The following NPAS3 variants were observed in gnomAD, a reference collection of about 807,000 sequenced individuals.
NPAS3 encodes the protein neuronal PAS domain protein 3, also known as neuronal PAS domain-containing protein 3.
In NPAS3, 14 loss-of-function variants were observed where a neutral mutation model predicts 73.1. The observed-to-expected ratio is 0.19, with a 90% CI of 0.13 to 0.30. NPAS3 has a LOEUF of 0.30. NPAS3 is among the 10% of genes least tolerant of loss of function. The pLI, the probability that NPAS3 is intolerant of heterozygous loss-of-function variation, is 1.00. For synonymous variants in NPAS3, 620 were observed against 541.5 expected, an observed-to-expected ratio of 1.14 and a Z score of -2.01; for missense variants, 1,096 against 1,250.0, an observed-to-expected ratio of 0.88 and a Z score of 1.86.
intron 1 of NPAS3, among the ~76,000 whole-genome samples, chr14:32,997,760 T>TA (rs36083770): frequency 0.22 from 24,425 of 112,626 alleles, 2,900 homozygotes; most frequent in African/African-American, 0.38. Flanking sequence ...CCGTCTCTAC[T>TA]AAAAAAAAAA....
At chr14:33,436,267 AG>A (rs1452286439) in intron 4 of NPAS3, among the ~76,000 whole-genome samples, 1 of 152,200 alleles carries the variant, frequency 6.6e-6, no homozygotes, top group East Asian at 1.9e-4. Flanking sequence ...GTTATCTCTA[AG>A]TAAGACAAAT....
At chr14:33,529,240 C>T (rs540495472) in intron 4 of NPAS3, among the ~76,000 whole-genome samples, 2 of 152,206 alleles carry the variant, frequency 1.3e-5, no homozygotes, top group East Asian at 3.9e-4. Context: ...GCTTAGTTTA[C>T]TCAAGGCACT....
At chr14:33,307,150 C>G (rs1378168228) in intron 3 of NPAS3, among the ~76,000 whole-genome samples, 4 of 152,096 alleles carry the variant, frequency 2.6e-5, no homozygotes, top group Admixed American at 2.0e-4. Context: ...CTTGCAGATG[C>G]TACTGAGGTT....
chr14:33,645,482 T>C (rs1324908289), intron 5 of NPAS3, among the ~76,000 whole-genome samples: 1 of 152,224 alleles, frequency 6.6e-6, no homozygotes, highest in East Asian at 1.9e-4. Context: ...AGAGTTACTG[T>C]CTCTGGTTTG....
chr14:33,457,155 G>A (rs1414982679), intron 4 of NPAS3, among the ~76,000 whole-genome samples: 5 of 152,320 alleles, frequency 3.3e-5, no homozygotes, highest in East Asian at 1.9e-4. Context: ...ACACCACAAT[G>A]CCCAGTTGTG....
chr14:33,775,337 C>G (rs1469074723), intron 8 of NPAS3, among the ~76,000 whole-genome samples: 2 of 152,096 alleles, frequency 1.3e-5, no homozygotes, highest in East Asian at 3.9e-4. Context: ...TCCCCGGGTG[C>G]CACAGGGAGA....
intron 4 of NPAS3, among the ~76,000 whole-genome samples, chr14:33,385,487 G>A (rs1289286445): frequency 6.6e-6 from 1 of 152,142 alleles, no homozygotes; most frequent in Non-Finnish European, 1.5e-5. Flanking sequence ...TAGAGAAACA[G>A]CACCAGTAGT....
intron 2 of NPAS3, among the ~76,000 whole-genome samples, chr14:33,132,296 G>A (rs146171045): frequency 4.6e-5 from 7 of 152,244 alleles, no homozygotes; most frequent in Non-Finnish European, 7.4e-5. Context: ...TTCTAGCTTG[G>A]GCTTCTGAGT....
chr14:32,973,692 C>T (rs1035624071), intron 1 of NPAS3, among the ~76,000 whole-genome samples: 23 of 151,868 alleles, frequency 1.5e-4, no homozygotes, highest in African/African-American at 4.4e-4. Flanking sequence ...CATGCTACCA[C>T]GCCCGGATAA....
At chr14:33,341,227 C>A (rs1218806325) in intron 3 of NPAS3, among the ~76,000 whole-genome samples, 1 of 152,168 alleles carries the variant, frequency 6.6e-6, no homozygotes, top group Non-Finnish European at 1.5e-5. Context: ...AGGGAAGCCA[C>A]ACGCCATCTC....
chr14:32,938,836 C>G (rs942027676), upstream of NPAS3, among the ~76,000 whole-genome samples: 16 of 146,286 alleles, frequency 1.1e-4, no homozygotes, highest in Non-Finnish European at 2.4e-4. Context: ...CGCCTCCCCC[C>G]GCCGCCGCCG....
chr14:33,125,148 G>T (rs2043379223), intron 2 of NPAS3, among the ~76,000 whole-genome samples: 1 of 151,998 alleles, frequency 6.6e-6, no homozygotes, highest in South Asian at 2.1e-4. Context: ...CCAGACTTTT[G>T]CTTGGCATGT....
At chr14:33,386,511 T>A (rs1184075250) in intron 4 of NPAS3, among the ~76,000 whole-genome samples, 1 of 62,642 alleles carries the variant, frequency 1.6e-5, no homozygotes, top group African/African-American at 9.3e-5. Context: ...TCAGTTTCAA[T>A]CTTTTTTTTT....
intron 3 of NPAS3, among the ~76,000 whole-genome samples, chr14:33,255,030 T>C (rs773842905): frequency 1.3e-5 from 2 of 152,110 alleles, no homozygotes; most frequent in Non-Finnish European, 2.9e-5. Flanking sequence ...GTATTAAGGA[T>C]ACGTTGGCCA....
At chr14:33,202,672 T>A (rs1270204261) in intron 2 of NPAS3, among the ~76,000 whole-genome samples, 3 of 150,916 alleles carry the variant, frequency 2.0e-5, no homozygotes, top group Non-Finnish European at 4.4e-5. Flanking sequence ...TATTTTTATT[T>A]AAAATAAAAA....
exon 3 of NPAS3, chr14:33,215,185 A>G (rs773121681): frequency 3.1e-6 from 5 of 1,613,700 alleles, no homozygotes; most frequent in East Asian, 4.5e-5. Flanking sequence ...ATTTCAGTTT[A>G]CAAGCATTGA....
intron 4 of NPAS3, among the ~76,000 whole-genome samples, chr14:33,403,812 T>TTC (rs375753954): frequency 1.3e-3 from 190 of 149,364 alleles, no homozygotes; most frequent in African/African-American, 2.7e-3. Context: ...CTGATGCCCT[T>TTC]TCTCTCTCTC....
At chr14:33,074,306 T>G (rs932125494) in intron 2 of NPAS3, among the ~76,000 whole-genome samples, 3 of 152,208 alleles carry the variant, frequency 2.0e-5, no homozygotes, top group African/African-American at 4.8e-5. Flanking sequence ...GCTAGTGATA[T>G]CAAACAGATG....
chr14:33,618,679 T>C (rs1220585854), intron 5 of NPAS3, among the ~76,000 whole-genome samples: 1 of 152,222 alleles, frequency 6.6e-6, no homozygotes, highest in Non-Finnish European at 1.5e-5. Flanking sequence ...TTTCAGGTTA[T>C]CTACTCTAAC....
Sources: gnomAD v4.1 joint callset for allele counts (sites outside exome capture counted in the v4.1 genomes callset) on GRCh38, gnomAD v4.1.1 for gene constraint, MANE v1.5 for transcripts, NCBI Gene and HGNC (gene_info 2026-07-23, HGNC 2026-07-21) for gene names.